The following TENM3 variants were observed in gnomAD, a reference collection of about 807,000 sequenced individuals.
TENM3 encodes the protein teneurin transmembrane protein 3.
In TENM3, 63 loss-of-function variants were observed where a neutral mutation model predicts 255.1. The ratio of observed to expected loss-of-function variants is 0.25; its 90% confidence interval spans 0.20 to 0.30. The LOEUF (loss-of-function observed/expected upper bound fraction) is 0.30. Ranked by LOEUF, TENM3 falls within the 10% of genes least tolerant of loss-of-function variation. The pLI is 1.00. For missense variants in TENM3, 2,929 were observed against 3,461.1 expected (o/e 0.85, Z 3.86); for synonymous variants, 1,306 against 1,322.3 (o/e 0.99, Z 0.27).
rs539384626 is a variant in TENM3 at position 182,261,164 on chromosome 4, G to A, written c.-76+17688G>A. On this transcript the variant is annotated intron_variant, in intron 1 of 27. Transcript: ENST00000511685. ...GCTGGAATTACAGGCGTGAGCCACC[G>A]CGCCTGGCCTAATTCATTCTTTTCA... Among the ~76,000 whole-genome samples the A allele has an allele frequency of 7.2e-5, 11 of 152,254 alleles. No individual in the cohort carries two copies. In the East Asian group the frequency reaches 1.7e-3, roughly 24 times the overall value.
At chr4:182,446,810 A>G (rs1317138822) in intron 3 of TENM3, among the ~76,000 whole-genome samples, 1 of 152,112 alleles carries the variant, frequency 6.6e-6, no homozygotes, top group African/African-American at 2.4e-5. Context: ...TTCTTCAAAG[A>G]TTCCAATTGA....
At chr4:182,335,419 C>T (rs796787681) in intron 2 of TENM3, among the ~76,000 whole-genome samples, 1 of 122,306 alleles carries the variant, frequency 8.2e-6, no homozygotes, top group Admixed American at 1.0e-4. Context: ...GGCGTGAACC[C>T]GGGAGGCGGA....
At chr4:182,528,070 G>A (rs909627508) in intron 3 of TENM3, among the ~76,000 whole-genome samples, 3 of 152,144 alleles carry the variant, frequency 2.0e-5, no homozygotes, top group Non-Finnish European at 4.4e-5. Context: ...TAATATTCTT[G>A]TGTTCTTATG....
chr4:182,280,658 G>A (rs1329905469), intron 1 of TENM3, among the ~76,000 whole-genome samples: 1 of 152,154 alleles, frequency 6.6e-6, no homozygotes, highest in Non-Finnish European at 1.5e-5. Flanking sequence ...GGCGCGGTAC[G>A]GAAAATTGAG....
At chr4:181,875,912 T>C in the TENM3 span, among the ~76,000 whole-genome samples, 1 of 152,282 alleles carries the variant, frequency 6.6e-6, no homozygotes, top group Non-Finnish European at 1.5e-5. Context: ...GAGAAATCTG[T>C]CCCACATTTC....
chr4:182,720,654 A>G (rs1420486199), intron 13 of TENM3, among the ~76,000 whole-genome samples: 1 of 152,108 alleles, frequency 6.6e-6, no homozygotes, highest in African/African-American at 2.4e-5. Context: ...AGAGGACTTC[A>G]GTAGCTTCCT....
chr4:182,199,530 C>G (rs1754047283), intron 1 of TENM3, among the ~76,000 whole-genome samples: 1 of 152,018 alleles, frequency 6.6e-6, no homozygotes, highest in Admixed American at 6.5e-5. Flanking sequence ...CGCCCAGATA[C>G]AATTTTAAAG....
the TENM3 span, among the ~76,000 whole-genome samples, chr4:181,590,473 G>C: frequency 2.0e-5 from 3 of 152,194 alleles, no homozygotes; most frequent in African/African-American, 7.2e-5. Context: ...GGCCTACCCT[G>C]TCTTGGGGAG....
At chr4:181,505,760 A>T in the TENM3 span, among the ~76,000 whole-genome samples, 11 of 152,206 alleles carry the variant, frequency 7.2e-5, no homozygotes, top group African/African-American at 2.4e-4. Flanking sequence ...TATAGCAGAA[A>T]TTCAATTAGG....
At chr4:182,446,816 A>G (rs578217051) in intron 3 of TENM3, among the ~76,000 whole-genome samples, 5 of 152,230 alleles carry the variant, frequency 3.3e-5, no homozygotes, top group Non-Finnish European at 5.9e-5. Flanking sequence ...AAAGATTCCA[A>G]TTGAACAACA....
rs573075015 is a variant in TENM3 at position 182,218,768 on chromosome 4, A to G, written c.-76+74014A>G. On this transcript the variant is annotated intron_variant, in intron 1 of 2. Coordinates refer to the TENM3 transcript ENST00000512480. Reference sequence around the variant, plus strand: ...TATATTGAAAGTGCACACCTAATATATTCGCAAACATAATGTATAAGAAGA... The same window carrying G: ...TATATTGAAAGTGCACACCTAATATGTTCGCAAACATAATGTATAAGAAGA... 2.0e-5 allele frequency among the ~76,000 whole-genome samples: 3 copies of G among 152,360 alleles called. No individual in the cohort carries two copies. In the South Asian group the frequency reaches 6.2e-4, roughly 32 times the overall value.
At chr4:182,034,204 A>G in the TENM3 span, among the ~76,000 whole-genome samples, 3 of 152,298 alleles carry the variant, frequency 2.0e-5, no homozygotes, top group Admixed American at 2.0e-4. Context: ...CCATGATTCA[A>G]TTATCTCTAC....
chr4:182,767,682 G>C (rs985261466), intron 22 of TENM3, among the ~76,000 whole-genome samples: 6 of 152,156 alleles, frequency 3.9e-5, no homozygotes, highest in Non-Finnish European at 7.3e-5. Flanking sequence ...GAAAGTGGGA[G>C]AAAGATGGGT....
rs370394608 is a variant in TENM3 at position 182,679,663 on chromosome 4, C to G, written c.1327-3C>G. On this transcript the variant is annotated splice_polypyrimidine_tract_variant and splice_region_variant and intron_variant, in intron 7 of 27. Coordinates refer to ENST00000511685, the MANE Select transcript of TENM3 (RefSeq NM_001080477.4). ...TGACTATTTTTCCTCGTCCTCCCCC[C>G]AGTATGACTTCGTGGAGCTCCTGGA... 1 of 1,610,938 alleles carries G rather than the reference C, an allele frequency of 6.2e-7. No homozygotes were observed. Among genetic ancestry groups the G allele is most frequent in the Non-Finnish European group, 8.5e-7 (1 of 1,178,640 alleles).
At chr4:182,706,180 A>C (rs1396210974) in intron 12 of TENM3, among the ~76,000 whole-genome samples, 1 of 152,150 alleles carries the variant, frequency 6.6e-6, no homozygotes, top group African/African-American at 2.4e-5. Context: ...TCTGAGTTGT[A>C]ACTATAACGT....
At chr4:181,834,625 A>G in the TENM3 span, among the ~76,000 whole-genome samples, 1 of 152,300 alleles carries the variant, frequency 6.6e-6, no homozygotes, top group Non-Finnish European at 1.5e-5. Flanking sequence ...GCGGGGAAGG[A>G]AGCGTTGGCC....
the TENM3 span, among the ~76,000 whole-genome samples, chr4:181,638,254 A>G: frequency 6.6e-6 from 1 of 152,236 alleles, no homozygotes. Context: ...TGTTGGCCAA[A>G]TAAGTAATTA....
intron 2 of TENM3, among the ~76,000 whole-genome samples, chr4:182,333,738 A>C: frequency 6.6e-6 from 1 of 152,208 alleles, no homozygotes; most frequent in African/African-American, 2.4e-5. Flanking sequence ...GTAATAAGAA[A>C]ATTAAATGAT....
the TENM3 span, among the ~76,000 whole-genome samples, chr4:181,633,931 G>A: frequency 3.3e-5 from 5 of 151,978 alleles, no homozygotes; most frequent in Non-Finnish European, 7.4e-5. Context: ...TTAAGGTCAT[G>A]CTGCCATTTT....
Sources: gnomAD v4.1 joint callset for allele counts (sites outside exome capture counted in the v4.1 genomes callset) on GRCh38, gnomAD v4.1.1 for gene constraint, MANE v1.5 for transcripts, NCBI Gene and HGNC (gene_info 2026-07-23, HGNC 2026-07-21) for gene names.